METTL22: variants seen among roughly 807,000 people sequenced by gnomAD.
The protein encoded by METTL22 is methyltransferase-like protein 22.
In METTL22, 51 loss-of-function variants were observed where a neutral mutation model predicts 48.4. The ratio of observed to expected loss-of-function variants is 1.05; its 90% CI spans 0.84 to 1.33. The LOEUF is 1.33. Ranked by LOEUF, METTL22 falls within the 40% of genes most tolerant of loss-of-function variation. METTL22 has a pLI of 0.00. For missense variants in METTL22, 678 were observed against 526.9 expected, an observed-to-expected ratio of 1.29 and a Z score of -2.81; for synonymous variants, 255 against 214.1, an observed-to-expected ratio of 1.19 and a Z score of -1.67.
intron 8 of METTL22, 30 bp from the exon 9 acceptor site, chr16:8,642,433 C>T (rs2056649919): frequency 6.2e-7 from 1 of 1,602,842 alleles, no homozygotes; most frequent in South Asian, 1.1e-5. Context: ...GCGTGTTTTC[C>T]TCTAATGCTG....
chr16:8,628,014 A>G (rs986825048), intron 2 of METTL22, among the ~76,000 whole-genome samples: 1 of 152,358 alleles, frequency 6.6e-6, no homozygotes, highest in East Asian at 1.9e-4. Flanking sequence ...CTGGAATTAC[A>G]GGTGTAAGCC....
In METTL22 at chr16:8,646,903, C is replaced by T; in HGVS notation, c.*760C>T. 2.8e-6 allele frequency: 1 copy of T among 353,738 alleles called. No individual in the cohort carries two copies. Among genetic ancestry groups the T allele is most frequent in the Non-Finnish European group, 5.6e-6 (1 of 179,518 alleles). The allele number at this position is 353,738 out of a possible 1,614,324, so 21.9% of individuals were successfully genotyped here. A position where few individuals can be genotyped will look rare whatever the true frequency, so the allele number is the denominator to read the frequency against. On this transcript the variant is annotated 3_prime_UTR_variant, in exon 11 of 11. Transcript: ENST00000381920. ...CTGTCTGGTTTTTTATCTTCTCCAT[C>T]TGTGCCTCTCTCCTCCCATCTCCAC...
chr16:8,637,275 T>C (rs1317112203), intron 5 of METTL22, among the ~76,000 whole-genome samples: 1 of 152,168 alleles, frequency 6.6e-6, no homozygotes, highest in Non-Finnish European at 1.5e-5. Flanking sequence ...TAACCACTGG[T>C]CAGGAGTCTG....
At chr16:8,629,159 G>T (rs1195570366) in intron 3 of METTL22, 49 bp downstream of exon 3, 15 of 1,578,870 alleles carry the variant, frequency 9.5e-6, no homozygotes, top group Admixed American at 1.7e-5. Context: ...CAACTCCGCA[G>T]TGTCACTGCT....
Position 8,649,517 on chromosome 16 carries a change from C to G in METTL22, c.*3374C>G, listed in dbSNP as rs1260709487. 1 of 152,056 alleles carries G rather than the reference C, an allele frequency of 6.6e-6. No individual in the cohort carries two copies. Among genetic ancestry groups the G allele is most frequent in the Non-Finnish European group, 1.5e-5 (1 of 68,058 alleles). 9.4% of individuals were successfully genotyped at this position (152,056 alleles called of 1,614,324 possible). A position where few individuals can be genotyped will look rare whatever the true frequency, so the allele number is the denominator to read the frequency against. ...AACTGTTAAAACCAACAAAGCCAGGCACAGTGGCTCACACCTGTAATTCCA... is the reference window on the plus strand; with the variant it reads ...AACTGTTAAAACCAACAAAGCCAGGGACAGTGGCTCACACCTGTAATTCCA... On this transcript the variant is annotated 3_prime_UTR_variant, in exon 11 of 11. Coordinates refer to ENST00000381920, the MANE Select transcript of METTL22 (RefSeq NM_024109.4).
intron 7 of METTL22, 162 bp from the exon 8 acceptor site, chr16:8,641,965 T>G: frequency 1.6e-6 from 1 of 644,190 alleles, no homozygotes; most frequent in Non-Finnish European, 2.8e-6. Context: ...CGGGCAGCAG[T>G]GGGCCTGAAG....
At chr16:8,644,878 G>T (rs972323118) in intron 10 of METTL22, 153 bp downstream of exon 10, 6 of 775,506 alleles carry the variant, frequency 7.7e-6, no homozygotes, top group Non-Finnish European at 1.2e-5. Context: ...ATCTGTAGTG[G>T]AACCTGTTGG....
intron 10 of METTL22, 135 bp from the exon 11 acceptor site, chr16:8,645,973 T>A: frequency 6.9e-7 from 1 of 1,447,286 alleles, no homozygotes; most frequent in Non-Finnish European, 9.1e-7. Context: ...GCCCGTCCGC[T>A]CCTGCCCCAG....
chr16:8,657,782 A>G, the METTL22 span, among the ~76,000 whole-genome samples: 1 of 150,630 alleles, frequency 6.6e-6, no homozygotes, highest in Non-Finnish European at 1.5e-5. Context: ...GCGGGTCCTA[A>G]ATCTAATGAC....
At chr16:8,638,650 C>T (rs77812147) in intron 5 of METTL22, among the ~76,000 whole-genome samples, 5 of 152,092 alleles carry the variant, frequency 3.3e-5, no homozygotes, top group Non-Finnish European at 5.9e-5. Flanking sequence ...TGTCAAAGAA[C>T]GAGCCTAAAT....
chr16:8,651,180 A>T (rs1288774230), downstream of METTL22, among the ~76,000 whole-genome samples: 2 of 151,770 alleles, frequency 1.3e-5, no homozygotes, highest in Non-Finnish European at 2.9e-5. Context: ...GAGGTCAGGA[A>T]ATCAAGACCA....
the METTL22 span, among the ~76,000 whole-genome samples, chr16:8,663,709 CA>C: frequency 1.1e-4 from 16 of 152,214 alleles, no homozygotes; most frequent in African/African-American, 3.9e-4. Flanking sequence ...ACAGATGAAG[CA>C]ACTGAGGCTT....
rs1400790612 is a variant in METTL22 at position 8,646,824 on chromosome 16, C to T, written c.*681C>T. 14 of 381,300 alleles carry T rather than the reference C, an allele frequency of 3.7e-5. No individual in the cohort carries two copies. Among genetic ancestry groups the T allele is most frequent in the Non-Finnish European group, 6.8e-5 (13 of 191,538 alleles). The allele number at this position is 381,300 out of a possible 1,614,324, so 23.6% of individuals were successfully genotyped here. A position where few individuals can be genotyped will look rare whatever the true frequency, so the allele number is the denominator to read the frequency against. On this transcript the variant is annotated 3_prime_UTR_variant, in exon 11 of 11. Coordinates refer to ENST00000381920, the MANE Select transcript of METTL22 (RefSeq NM_024109.4). ...AGAGGTGTTCCCTTCCGCCTGGACTCATTTTCCCTCCGCCCCTTGGTCTCT... is the reference window on the plus strand; with the variant it reads ...AGAGGTGTTCCCTTCCGCCTGGACTTATTTTCCCTCCGCCCCTTGGTCTCT...
intron 9 of METTL22, 83 bp from the exon 10 acceptor site, chr16:8,644,474 G>T (rs1010967978): frequency 2.2e-6 from 3 of 1,383,874 alleles, no homozygotes. Flanking sequence ...ATCAGTGAGG[G>T]ATAGGAAAGC....
intron 1 of METTL22, chr16:8,623,771 C>T (rs151171885): frequency 5.9e-5 from 9 of 152,316 alleles, no homozygotes; most frequent in African/African-American, 1.7e-4. Flanking sequence ...TGCTGCCCCA[C>T]AGCAACCACT....
intron 5 of METTL22, among the ~76,000 whole-genome samples, chr16:8,635,792 G>A (rs1004151677): frequency 1.1e-4 from 17 of 152,136 alleles, no homozygotes; most frequent in African/African-American, 3.9e-4. Flanking sequence ...GTCACCTCCC[G>A]TGTGCCACTC....
chr16:8,642,061 C>T, intron 7 of METTL22, 66 bp from the exon 8 acceptor site: 3 of 1,281,500 alleles, frequency 2.3e-6, no homozygotes, highest in East Asian at 2.3e-5. Context: ...TTTGGTCAGT[C>T]CCAGTGAGAG....
the METTL22 span, among the ~76,000 whole-genome samples, chr16:8,665,019 C>T: frequency 2.0e-5 from 3 of 151,990 alleles, no homozygotes; most frequent in African/African-American, 7.3e-5. Flanking sequence ...AGTCTGTGAG[C>T]GAGAAAGCTG....
intron 5 of METTL22, among the ~76,000 whole-genome samples, chr16:8,637,784 C>T (rs4985080): frequency 0.99 from 150,383 of 152,288 alleles, 74,285 homozygotes; most frequent in Middle Eastern, 1. Context: ...AGAGCTGCTC[C>T]TCTCTTACCT....
Sources: allele counts gnomAD v4.1 joint callset (sites outside exome capture counted in the v4.1 genomes callset), GRCh38; gene constraint gnomAD v4.1.1; transcripts MANE v1.5; gene names NCBI Gene and HGNC (gene_info 2026-07-23, HGNC 2026-07-21).